Variants in PLPP3 observed in about 807,000 individuals in gnomAD.
PLPP3 encodes the protein phospholipid phosphatase 3.
In PLPP3, 6 loss-of-function variants were observed where a neutral mutation model predicts 29.6. The observed-to-expected ratio is 0.20, with a 90% confidence interval of 0.11 to 0.40. The LOEUF (loss-of-function observed/expected upper bound fraction) is 0.40. PLPP3 is among the 10% of genes least tolerant of loss of function. PLPP3 has a pLI of 1.00. For missense variants in PLPP3, 308 were observed against 407.7 expected (o/e 0.76, Z 2.11); for synonymous variants, 152 against 159.7 (o/e 0.95, Z 0.36).
intron 1 of PLPP3, among the ~76,000 whole-genome samples, chr1:56,551,941 G>A (rs1646042152): frequency 2.6e-5 from 4 of 152,190 alleles, no homozygotes; most frequent in Admixed American, 2.6e-4. Context: ...ATTAGCAGAA[G>A]GCTTAGAGCT....
At chr1:56,571,258 A>C (rs558592471) in intron 1 of PLPP3, among the ~76,000 whole-genome samples, 1 of 152,378 alleles carries the variant, frequency 6.6e-6, no homozygotes, top group Non-Finnish European at 1.5e-5. Context: ...TAATGACTGC[A>C]GCAACTACCT....
intron 1 of PLPP3, among the ~76,000 whole-genome samples, chr1:56,553,206 C>T (rs1369746226): frequency 1.3e-5 from 2 of 152,180 alleles, no homozygotes; most frequent in African/African-American, 4.8e-5. Context: ...TCAAACAAGA[C>T]TGATTTCCTA....
intron 5 of PLPP3, among the ~76,000 whole-genome samples, chr1:56,499,326 GC>G (rs1557495586): frequency 1.3e-5 from 2 of 152,046 alleles, no homozygotes; most frequent in Admixed American, 1.3e-4. Flanking sequence ...TAATTACTGG[GC>G]CCAGAGAAAG....
chr1:56,523,710 T>G (rs1645834179), intron 4 of PLPP3, 113 bp downstream of exon 4: 1 of 1,221,558 alleles, frequency 8.2e-7, no homozygotes, highest in Non-Finnish European at 1.2e-6. Context: ...GCTAACCTCT[T>G]TTTCAAGGAT....
intron 4 of PLPP3, among the ~76,000 whole-genome samples, chr1:56,520,021 G>C (rs146615118): frequency 6.1e-4 from 93 of 152,210 alleles, no homozygotes; most frequent in African/African-American, 2.1e-3. Flanking sequence ...TGTCTTGATG[G>C]CTCCCCATCT....
intron 2 of PLPP3, among the ~76,000 whole-genome samples, chr1:56,526,903 T>G (rs1412027584): frequency 6.6e-6 from 1 of 152,192 alleles, no homozygotes; most frequent in Non-Finnish European, 1.5e-5. Context: ...GACCTCAGAT[T>G]GCTCTCTGGT....
chr1:56,563,448 T>C (rs1306879627), intron 1 of PLPP3, among the ~76,000 whole-genome samples: 4 of 152,218 alleles, frequency 2.6e-5, no homozygotes, highest in African/African-American at 9.6e-5. Context: ...TACAATCTGA[T>C]ATTGCTGTCT....
intron 4 of PLPP3, among the ~76,000 whole-genome samples, chr1:56,519,945 G>A (rs1645807919): frequency 6.6e-6 from 1 of 152,150 alleles, no homozygotes; most frequent in Admixed American, 6.5e-5. Flanking sequence ...GAAAAGCCTG[G>A]AGTGGAGCTG....
At chr1:56,541,277 C>T (rs950797604) in intron 1 of PLPP3, among the ~76,000 whole-genome samples, 1 of 151,894 alleles carries the variant, frequency 6.6e-6, no homozygotes, top group Admixed American at 6.6e-5. Flanking sequence ...TTGTCAGTCA[C>T]AAAACTGATG....
At chr1:56,519,510 AT>A (rs1319221417) in intron 4 of PLPP3, among the ~76,000 whole-genome samples, 1 of 152,132 alleles carries the variant, frequency 6.6e-6, no homozygotes, top group Non-Finnish European at 1.5e-5. Context: ...CATATACCAA[AT>A]GCTCAATGTT....
intron 1 of PLPP3, among the ~76,000 whole-genome samples, chr1:56,573,258 C>A (rs1459715035): frequency 6.6e-6 from 1 of 152,136 alleles, no homozygotes; most frequent in Non-Finnish European, 1.5e-5. Flanking sequence ...GCATTAGAAA[C>A]AACACCAAGT....
In PLPP3 at chr1:56,579,193, G is replaced by T; in HGVS notation, c.-177C>A. 1.4e-6 allele frequency: 1 copy of T among 726,870 alleles called. No homozygotes were observed. The highest frequency in any genetic ancestry group is 2.1e-6 in the Non-Finnish European group (1 of 475,376). 45.0% of individuals were successfully genotyped at this position (726,870 alleles called of 1,614,324 possible). A position where few individuals can be genotyped will look rare whatever the true frequency, so the allele number is the denominator to read the frequency against. On this transcript the variant is annotated 5_prime_UTR_variant, in exon 1 of 6. Coordinates refer to ENST00000371250, the MANE Select transcript of PLPP3 (RefSeq NM_003713.5). ...GGGCTGCCTGCCTCCAACTGCAGAA[G>T]GTGGTGTTTTCTGCTCCTCCTGCGC...
chr1:56,557,024 G>A lies in PLPP3; in HGVS notation c.140-19912C>T, dbSNP rs199912643. Among the ~76,000 whole-genome samples the A allele has an allele frequency of 1.8e-3, 7 of 3,842 alleles. 2 individuals are homozygous for A. Among genetic ancestry groups the A allele is most frequent in the South Asian group, 0.011 (3 of 280 alleles). The allele number at this position is 3,842 out of a possible 152,430, so 2.5% of individuals were successfully genotyped here. A position where few individuals can be genotyped will look rare whatever the true frequency, so the allele number is the denominator to read the frequency against. On this transcript the variant is annotated intron_variant, in intron 1 of 5. Transcript: ENST00000371250. ...AAAGAAAGAAAGAGAGAGAGAGAGA[G>A]AAAGAGAGAGAGAGAGAGAGAGAGA...
intron 1 of PLPP3, among the ~76,000 whole-genome samples, chr1:56,541,418 T>C (rs988509178): frequency 1.3e-5 from 2 of 152,168 alleles, no homozygotes; most frequent in African/African-American, 4.8e-5. Context: ...AGTAAGTTAG[T>C]ATGTGCCCAA....
At chr1:56,498,887 C>A (rs1406605626) in intron 5 of PLPP3, among the ~76,000 whole-genome samples, 1 of 152,164 alleles carries the variant, frequency 6.6e-6, no homozygotes, top group Non-Finnish European at 1.5e-5. Context: ...CTGCCTCAGC[C>A]TTCCAAAGAA....
chr1:56,511,924 C>A (rs1034725673), intron 5 of PLPP3, 52 bp downstream of exon 5: 10 of 1,599,742 alleles, frequency 6.3e-6, no homozygotes, highest in Non-Finnish European at 8.6e-6. Context: ...AAACATTTAA[C>A]AAGCAACAGT....
intron 1 of PLPP3, among the ~76,000 whole-genome samples, chr1:56,544,318 G>A (rs1645991608): frequency 1.3e-5 from 2 of 152,102 alleles, no homozygotes; most frequent in Admixed American, 6.6e-5. Flanking sequence ...TTAATTGAAA[G>A]AACTCCAAAC....
At chr1:56,554,787 T>C (rs192553855) in intron 1 of PLPP3, among the ~76,000 whole-genome samples, 48 of 152,306 alleles carry the variant, frequency 3.2e-4, no homozygotes, top group African/African-American at 1.1e-3. Flanking sequence ...GTCTTTTCAA[T>C]GTTCCATTAT....
At chr1:56,497,955 A>G (rs72664318) in intron 5 of PLPP3, among the ~76,000 whole-genome samples, 16,420 of 152,130 alleles carry the variant, frequency 0.11, 970 homozygotes, top group African/African-American at 0.16. Flanking sequence ...ACAGACATTT[A>G]CTGGTCACTG....
Sources: allele counts gnomAD v4.1 joint callset (sites outside exome capture counted in the v4.1 genomes callset), GRCh38; gene constraint gnomAD v4.1.1; transcripts MANE v1.5; gene names NCBI Gene and HGNC (gene_info 2026-07-23, HGNC 2026-07-21).